AGTPBP1: variants seen among roughly 807,000 people sequenced by gnomAD.
The protein encoded by AGTPBP1 is cytosolic carboxypeptidase 1.
AGTPBP1 carries 70 observed loss-of-function variants against 143.9 expected under a neutral mutation model. The ratio of observed to expected loss-of-function variants is 0.49; its 90% CI spans 0.40 to 0.59. The LOEUF (loss-of-function observed/expected upper bound fraction) is 0.59. Among genes scored for constraint, AGTPBP1 ranks in the 20% least tolerant of loss-of-function variants. The pLI, the probability that AGTPBP1 is intolerant of heterozygous loss-of-function variation, is 0.00. For missense variants in AGTPBP1, 1,229 were observed against 1,464.5 expected (o/e 0.84, Z 2.62); for synonymous variants, 463 against 500.2 (o/e 0.93, Z 0.99).
At chr9:85,603,811 C>T (rs73475782) in intron 17 of AGTPBP1, among the ~76,000 whole-genome samples, 1 of 152,026 alleles carries the variant, frequency 6.6e-6, no homozygotes, top group Non-Finnish European at 1.5e-5. Flanking sequence ...ACTGAAGAGA[C>T]CTTGTGCTTT....
chr9:85,658,425 C>T (rs1174155709), intron 9 of AGTPBP1, among the ~76,000 whole-genome samples: 1 of 151,884 alleles, frequency 6.6e-6, no homozygotes, highest in Non-Finnish European at 1.5e-5. Flanking sequence ...AAATTATTAA[C>T]CATAGGGCAC....
In AGTPBP1 at chr9:85,579,046, G is replaced by C; in HGVS notation, c.3216C>G (p.Ser1072Arg). The change falls in exon 24 of 26, where the codon AGC (serine) becomes AGG (arginine). Residue 1072 changes from serine to arginine, a missense_variant. Transcript: ENST00000357081. ...SHIAPAFCMS[S>R]CSFVVEKSKE... ...TAGATTTTTCCACTACGAAGCTACA[G>C]CTGCTCATGCAAAATGCTGGGGCGA... 1 of 1,611,052 alleles carries C rather than the reference G, an allele frequency of 6.2e-7. No individual in the cohort carries two copies. The highest frequency in any genetic ancestry group is 8.5e-7 in the Non-Finnish European group (1 of 1,179,032).
At chr9:85,702,659 CTTTTT>C (rs370857631) in intron 2 of AGTPBP1, among the ~76,000 whole-genome samples, 7 of 143,406 alleles carry the variant, frequency 4.9e-5, no homozygotes, top group Non-Finnish European at 9.2e-5. Context: ...GTCTCTCTCT[CTTTTT>C]TTTTTTTAAC....
chr9:85,637,936 G>A (rs905977616), intron 13 of AGTPBP1, among the ~76,000 whole-genome samples: 6 of 152,178 alleles, frequency 3.9e-5, no homozygotes, highest in African/African-American at 7.2e-5. Context: ...ACTAAACGAC[G>A]TGATCCCAAC....
intron 1 of AGTPBP1, among the ~76,000 whole-genome samples, chr9:85,738,512 T>C (rs1370341594): frequency 6.6e-6 from 1 of 152,174 alleles, no homozygotes; most frequent in African/African-American, 2.4e-5. Context: ...AACAAGTACA[T>C]ACCTACCAAT....
chr9:85,720,546 C>T (rs1358443069), intron 1 of AGTPBP1, among the ~76,000 whole-genome samples: 1 of 151,804 alleles, frequency 6.6e-6, no homozygotes, highest in African/African-American at 2.4e-5. Flanking sequence ...TTTGATTCTT[C>T]TCTCATTTCT....
rs917986452 is a variant in AGTPBP1 at position 85,669,725 on chromosome 9, A to G, written c.569-147T>C. 6 of 450,152 alleles carry G rather than the reference A, an allele frequency of 1.3e-5. No individual in the cohort carries two copies. The Admixed American group carries it at 1.6e-4, about 12-fold the overall frequency. 27.9% of individuals were successfully genotyped at this position (450,152 alleles called of 1,614,324 possible). A position where few individuals can be genotyped will look rare whatever the true frequency, so the allele number is the denominator to read the frequency against. ...CTTAAAGTCCATCTAAGCTAACCAC[A>G]TGAAGAAATAGTGTTTTTTGTTTTT... On this transcript the variant is annotated intron_variant, in intron 7 of 25. Transcript: ENST00000357081.
At chr9:85,741,452 A>T in intron 1 of AGTPBP1, 1 of 985,264 alleles carries the variant, frequency 1.0e-6, no homozygotes, top group Non-Finnish European at 1.2e-6. Context: ...AGGGCTGAGC[A>T]GAAAGGGCGG....
At chr9:85,744,175 C>T (rs1350542155), upstream of AGTPBP1, among the ~76,000 whole-genome samples, 1 of 152,076 alleles carries the variant, frequency 6.6e-6, no homozygotes, top group East Asian at 1.9e-4. Flanking sequence ...CAGCAGTCCT[C>T]CTGCCTTAGC....
chr9:85,618,022 T>A (rs1830692466), intron 17 of AGTPBP1, among the ~76,000 whole-genome samples: 1 of 152,084 alleles, frequency 6.6e-6, no homozygotes. Flanking sequence ...GGCAGATCAC[T>A]CGAGGTCAGG....
chr9:85,662,286 T>G (rs1170531490), intron 8 of AGTPBP1, among the ~76,000 whole-genome samples: 1 of 152,132 alleles, frequency 6.6e-6, no homozygotes, highest in African/African-American at 2.4e-5. Flanking sequence ...TTGACAAAGA[T>G]AAAGCAACTG....
At chr9:85,590,189 AAGAC>A (rs1489638670) in intron 19 of AGTPBP1, among the ~76,000 whole-genome samples, 5 of 152,136 alleles carry the variant, frequency 3.3e-5, no homozygotes, top group Non-Finnish European at 5.9e-5. Flanking sequence ...AAATGTCTGA[AAGAC>A]AGCAAAAAAA....
At chr9:85,570,766 A>C (rs62566882) in intron 25 of AGTPBP1, among the ~76,000 whole-genome samples, 2,562 of 152,320 alleles carry the variant, frequency 0.017, 30 homozygotes, top group Middle Eastern at 0.054. Flanking sequence ...TGGTCAATGA[A>C]TAGCTACTAC....
intron 1 of AGTPBP1, among the ~76,000 whole-genome samples, chr9:85,727,754 C>A (rs562108293): frequency 6.6e-6 from 1 of 152,202 alleles, no homozygotes; most frequent in South Asian, 2.1e-4. Context: ...TTGATTCACA[C>A]TTGTAATCCC....
intron 1 of AGTPBP1, among the ~76,000 whole-genome samples, chr9:85,720,502 G>A (rs538612924): frequency 1.5e-4 from 23 of 152,208 alleles, no homozygotes; most frequent in African/African-American, 5.5e-4. Context: ...GGTATCAGTG[G>A]TGATATCCCC....
the AGTPBP1 span, among the ~76,000 whole-genome samples, chr9:85,795,856 GTTTTTTTT>G: frequency 1.3e-4 from 9 of 70,670 alleles, no homozygotes; most frequent in Admixed American, 3.8e-4. Flanking sequence ...CTTCTTCTTA[GTTTTTTTT>G]TTTTTTTTTT....
chr9:85,599,110 A>AATAC (rs1829490387), intron 17 of AGTPBP1, among the ~76,000 whole-genome samples: 1 of 135,430 alleles, frequency 7.4e-6, no homozygotes, highest in African/African-American at 2.8e-5. Flanking sequence ...CTTGTCACTG[A>AATAC]ACACACACAC....
At chr9:85,650,918 GTTTAACAATAATAC>G (rs1354705541) in intron 11 of AGTPBP1, among the ~76,000 whole-genome samples, 1 of 152,042 alleles carries the variant, frequency 6.6e-6, no homozygotes, top group Non-Finnish European at 1.5e-5. Flanking sequence ...TTCGTGTTTT[GTTTAACAATAATAC>G]TTTCCTTCTC....
intron 24 of AGTPBP1, 40 bp from the exon 25 acceptor site, chr9:85,575,515 T>A: frequency 6.5e-7 from 1 of 1,536,724 alleles, no homozygotes; most frequent in South Asian, 1.3e-5. Flanking sequence ...TTACAAAGTT[T>A]GCTATCTTCT....
Sources: gnomAD v4.1 joint callset for allele counts (sites outside exome capture counted in the v4.1 genomes callset) on GRCh38, gnomAD v4.1.1 for gene constraint, MANE v1.5 for transcripts, NCBI Gene and HGNC (gene_info 2026-07-23, HGNC 2026-07-21) for gene names.